PCDH19: variants seen among roughly 807,000 people sequenced by gnomAD.
PCDH19 encodes the protein protocadherin-19.
Under a neutral mutation model 46.2 loss-of-function variants are expected in PCDH19, and 6 were observed. The observed-to-expected ratio is 0.13, with a 90% confidence interval of 0.07 to 0.26. PCDH19 has a LOEUF of 0.26. Ranked by LOEUF, PCDH19 falls within the 10% of genes least tolerant of loss-of-function variation. The pLI is 1.00. For missense variants in PCDH19, 740 were observed against 972.3 expected (o/e 0.76, Z 3.18); for synonymous variants, 481 against 415.7 (o/e 1.16, Z -1.91).
intron 3 of PCDH19, among the ~76,000 whole-genome samples, chrX:100,363,320 A>G (rs1483643789): frequency 6.5e-5 from 7 of 107,679 alleles, no homozygotes; most frequent in Non-Finnish European, 9.6e-5. Flanking sequence ...AAAAAAAAAA[A>G]TGGAAATAAT....
intron 3 of PCDH19, among the ~76,000 whole-genome samples, chrX:100,364,629 G>C (rs1232408054): frequency 9.0e-6 from 1 of 111,638 alleles, no homozygotes; most frequent in East Asian, 2.8e-4. Flanking sequence ...GTGTTGCTTA[G>C]TTATATCTCA....
chrX:100,359,807 G>A (rs75905352), intron 3 of PCDH19, among the ~76,000 whole-genome samples: 1 of 92,957 alleles, frequency 1.1e-5, no homozygotes, highest in South Asian at 7.2e-4. Flanking sequence ...GTGTGTGTGT[G>A]TGTATGTGTG....
chrX:100,299,328 CT>C (rs1329766646), intron 5 of PCDH19, among the ~76,000 whole-genome samples: 1 of 112,200 alleles, frequency 8.9e-6, no homozygotes, highest in African/African-American at 3.2e-5. Flanking sequence ...TGAGTACCAT[CT>C]GCCCAATGTC....
intron 3 of PCDH19, among the ~76,000 whole-genome samples, chrX:100,363,730 T>TTA (rs1249133626): frequency 1.0e-5 from 1 of 100,006 alleles, no homozygotes; most frequent in African/African-American, 3.6e-5. Context: ...TATATTTATT[T>TTA]TATATATATA....
chrX:100,333,157 GGAAGGA>G (rs1569294582), intron 5 of PCDH19, among the ~76,000 whole-genome samples: 29 of 55,554 alleles, frequency 5.2e-4, no homozygotes, highest in Non-Finnish European at 9.6e-4. Flanking sequence ...AAGGAAGGAA[GGAAGGA>G]AGGAAGGAAG....
chrX:100,314,958 C>T (rs2147461578), intron 5 of PCDH19, among the ~76,000 whole-genome samples: 1 of 112,079 alleles, frequency 8.9e-6, no homozygotes, highest in Admixed American at 9.5e-5. Context: ...CCTCATCTCT[C>T]TTCCTTCAGT....
At chrX:100,373,113 A>G (rs754859896) in intron 3 of PCDH19, among the ~76,000 whole-genome samples, 9 of 112,366 alleles carry the variant, frequency 8.0e-5, no homozygotes, top group Non-Finnish European at 1.5e-4. Flanking sequence ...GGTTCAAGCA[A>G]TTCTCCTGCC....
At chrX:100,327,450 A>G (rs926837110) in intron 5 of PCDH19, among the ~76,000 whole-genome samples, 5 of 112,168 alleles carry the variant, frequency 4.5e-5, no homozygotes, top group African/African-American at 1.6e-4. Context: ...CAGACTAATG[A>G]TGTCAATCTT....
At chrX:100,340,217 A>C (rs1169753953) in intron 5 of PCDH19, among the ~76,000 whole-genome samples, 1 of 112,118 alleles carries the variant, frequency 8.9e-6, no homozygotes, top group Non-Finnish European at 1.9e-5. Context: ...ATATACACAC[A>C]CACATATATA....
chrX:100,407,250 G>A lies in PCDH19; in HGVS notation c.1348C>T (p.His450Tyr), dbSNP rs1194150694. Residue 450 changes from histidine to tyrosine, a missense_variant, in exon 1 of 6, where the codon CAC becomes TAC. Around this residue, in one of 5 missense-constraint regions of PCDH19, gnomAD observed 186 missense variants for 319.9 expected, o/e 0.58. Coordinates refer to ENST00000373034, the MANE Select transcript of PCDH19 (RefSeq NM_001184880.2). ...TVLITDENDN[H>Y]PHFSKPYYQV... ...TAGTAGGGCTTGGAAAAGTGCGGGT[G>A]GTTGTCATTTTCGTCAGTGATGAGC... is the stretch of plus-strand genomic sequence containing the variant. 8 of 1,211,964 alleles carry A rather than the reference G, an allele frequency of 6.6e-6. No homozygotes were observed. The highest frequency in any genetic ancestry group is 8.9e-6 in the Non-Finnish European group (8 of 895,579).
At chrX:100,384,913 C>T (rs1251198240) in intron 3 of PCDH19, among the ~76,000 whole-genome samples, 1 of 111,224 alleles carries the variant, frequency 9.0e-6, no homozygotes, top group Non-Finnish European at 1.9e-5. Context: ...AATCCCAGCT[C>T]TTCGGAAGGT....
chrX:100,405,900 A>G (rs1292417113), intron 1 of PCDH19, among the ~76,000 whole-genome samples: 1 of 110,366 alleles, frequency 9.1e-6, no homozygotes, highest in East Asian at 2.9e-4. Flanking sequence ...AAAAACCACT[A>G]ATCACCTGCA....
At chrX:100,363,886 T>TGAGA (rs1555980305) in intron 3 of PCDH19, among the ~76,000 whole-genome samples, 16 of 98,040 alleles carry the variant, frequency 1.6e-4, no homozygotes, top group Middle Eastern at 5.8e-3. Context: ...TGTGTGTGTG[T>TGAGA]GAGAGAGAGG....
rs189695797 is a variant in PCDH19 at position 100,379,873 on chromosome X, A to T, written c.2616+22651T>A. ...CTAAAACACTATCTTACTGAGCTGC[A>T]TCTGCACACCACCCATTGACATTGG... On this transcript the variant is annotated intron_variant, in intron 3 of 5. Coordinates refer to ENST00000373034, the MANE Select transcript of PCDH19 (RefSeq NM_001184880.2). Among the ~76,000 whole-genome samples the T allele has an allele frequency of 5.6e-4, 63 of 111,908 alleles. 1 individual carries two copies. In the East Asian group the frequency reaches 0.017, roughly 29 times the overall value.
At chrX:100,300,595 T>C (rs1026986391) in intron 5 of PCDH19, among the ~76,000 whole-genome samples, 2 of 111,779 alleles carry the variant, frequency 1.8e-5, no homozygotes, top group African/African-American at 6.5e-5. Context: ...AATTCACGTA[T>C]AGATGAATGA....
intron 5 of PCDH19, among the ~76,000 whole-genome samples, chrX:100,298,664 C>T (rs1237202237): frequency 6.3e-5 from 7 of 111,537 alleles, no homozygotes; most frequent in African/African-American, 2.3e-4. Flanking sequence ...AAAGGTCTGT[C>T]AAGGCCCTTT....
intron 5 of PCDH19, among the ~76,000 whole-genome samples, chrX:100,316,381 C>T (rs1489130403): frequency 8.9e-6 from 1 of 112,321 alleles, no homozygotes; most frequent in African/African-American, 3.2e-5. Context: ...TTGTTGTCTT[C>T]CTTGATCAGG....
At chrX:100,319,037 C>T (rs1268038471) in intron 5 of PCDH19, among the ~76,000 whole-genome samples, 1 of 110,375 alleles carries the variant, frequency 9.1e-6, no homozygotes, top group Non-Finnish European at 1.9e-5. Context: ...TAAAAATAGA[C>T]CTCAGAAAGG....
intron 3 of PCDH19, among the ~76,000 whole-genome samples, chrX:100,379,304 T>TACACACACACAC (rs200896147): frequency 9.6e-5 from 4 of 41,598 alleles, no homozygotes; most frequent in African/African-American, 3.3e-4. Context: ...ATCTGTCACA[T>TACACACACACAC]ACACACACAC....
Sources: gnomAD v4.1 joint callset for allele counts (sites outside exome capture counted in the v4.1 genomes callset) on GRCh38, gnomAD v4.1.1 for gene constraint, gnomAD v4.1.1 regional missense constraint, MANE v1.5 for transcripts, NCBI Gene and HGNC (gene_info 2026-07-23, HGNC 2026-07-21) for gene names.